TANK: variants seen among roughly 807,000 people sequenced by gnomAD.
The protein encoded by TANK is TRAF family member associated NFKB activator.
Under a neutral mutation model 43.6 loss-of-function variants are expected in TANK, and 15 were observed. The observed-to-expected ratio is 0.34, with a 90% CI of 0.23 to 0.53. The LOEUF is 0.53. Among genes scored for constraint, TANK ranks in the 20% least tolerant of loss-of-function variants. The pLI is 0.94. For synonymous variants in TANK, 162 were observed against 178.2 expected (o/e 0.91, Z 0.73); for missense variants, 417 against 498.6 (o/e 0.84, Z 1.56).
chr2:161,160,691 C>G, intron 1 of TANK: 1 of 490,140 alleles, frequency 2.0e-6, no homozygotes. Context: ...GGAGCGGACT[C>G]CTTGTGGGTT....
chr2:161,233,226 C>T (rs1029553538), intron 7 of TANK, among the ~76,000 whole-genome samples: 12 of 151,812 alleles, frequency 7.9e-5, no homozygotes, highest in Admixed American at 4.6e-4. Flanking sequence ...TCTACAAATA[C>T]GTATAGTTAT....
chr2:161,214,037 T>A (rs1023707265), intron 4 of TANK, among the ~76,000 whole-genome samples: 2 of 152,214 alleles, frequency 1.3e-5, no homozygotes, highest in African/African-American at 4.8e-5. Context: ...ATAATATTTT[T>A]AAATCACATT....
At chr2:161,195,658 A>G (rs1202730497) in intron 2 of TANK, among the ~76,000 whole-genome samples, 1 of 152,140 alleles carries the variant, frequency 6.6e-6, no homozygotes, top group Non-Finnish European at 1.5e-5. Context: ...GGGTAGGGAA[A>G]AAGTATGGAG....
At chr2:161,160,553 G>A in intron 1 of TANK, 67 bp downstream of exon 1, 3 of 1,218,940 alleles carry the variant, frequency 2.5e-6, no homozygotes, top group Non-Finnish European at 3.2e-6. Flanking sequence ...GAATTTGTAT[G>A]CGTGAGCGAG....
At chr2:161,137,116 G>T in intron 1 of TANK, 1 of 985,414 alleles carries the variant, frequency 1.0e-6, no homozygotes, top group African/African-American at 1.7e-5. Context: ...AAGGGGCCTG[G>T]ATGTCTTAAA....
chr2:161,208,365 G>C (rs1686738453), intron 4 of TANK, among the ~76,000 whole-genome samples: 1 of 152,118 alleles, frequency 6.6e-6, no homozygotes, highest in South Asian at 2.1e-4. Context: ...ACAGAAAGAG[G>C]TAAAGACAAA....
At chr2:161,195,974 A>G (rs1389974833) in intron 2 of TANK, among the ~76,000 whole-genome samples, 2 of 152,270 alleles carry the variant, frequency 1.3e-5, no homozygotes, top group African/African-American at 4.8e-5. Context: ...AATCCCAGCT[A>G]TTCAGGAGCC....
chr2:161,231,535 T>G lies in TANK; in HGVS notation c.1085T>G (p.Ile362Ser). ...TCACTCGATTCCCCGGGAAAAGCAA[T>G]CCGAGGACCACAGCAGGTAACTGTT... ...FPSLDSPGKA[I>S]RGPQQPIWKP... is the part of the protein sequence containing the mutation. Residue 362 changes from isoleucine (I) to serine (S), a missense_variant, in exon 7 of 8, where the codon ATC becomes AGC. Coordinates refer to ENST00000392749, the MANE Select transcript of TANK (RefSeq NM_001199135.3). 1 of 1,612,170 alleles carries G rather than the reference T, an allele frequency of 6.2e-7. No homozygotes were observed. Among genetic ancestry groups the G allele is most frequent in the South Asian group, 1.1e-5 (1 of 91,076 alleles).
At chr2:161,183,685 G>T (rs1685531408) in intron 2 of TANK, among the ~76,000 whole-genome samples, 1 of 151,878 alleles carries the variant, frequency 6.6e-6, no homozygotes, top group South Asian at 2.1e-4. Flanking sequence ...ACTCAAGAAT[G>T]GATGAAGAAA....
chr2:161,165,617 C>T (rs1684643753), intron 1 of TANK, among the ~76,000 whole-genome samples: 1 of 152,218 alleles, frequency 6.6e-6, no homozygotes, highest in Non-Finnish European at 1.5e-5. Flanking sequence ...CCTTCCCATA[C>T]AGTCCTACTC....
At chr2:161,200,462 A>G in intron 2 of TANK, 1 of 953,546 alleles carries the variant, frequency 1.0e-6, no homozygotes, top group Non-Finnish European at 1.2e-6. Flanking sequence ...AAATAAACCA[A>G]GTTCTACTGG....
intron 2 of TANK, among the ~76,000 whole-genome samples, chr2:161,198,571 C>A (rs577428813): frequency 6.6e-6 from 1 of 152,358 alleles, no homozygotes; most frequent in East Asian, 1.9e-4. Flanking sequence ...TATTTAGATA[C>A]CTTGCTCATT....
At chr2:161,162,677 G>A (rs985353808) in intron 1 of TANK, 4 of 151,966 alleles carry the variant, frequency 2.6e-5, no homozygotes, top group Non-Finnish European at 5.9e-5. Context: ...ATATTTATCA[G>A]GGAAGTTTCC....
At position 161,186,703 on chromosome 2, in the gene TANK, A is replaced by T. The variant is rs192398969; in HGVS notation, c.99+6942A>T. On this transcript the variant is annotated intron_variant, in intron 2 of 7. Transcript: ENST00000392749. The stretch of plus-strand genomic sequence containing the variant: ...GACAAATGGGATTACATCAAGTAAA[A>T]TTACACAACAAAAGAAACAATCAAC... Among the ~76,000 whole-genome samples the T allele has an allele frequency of 7.0e-4, 106 of 152,328 alleles. 1 individual carries two copies. The highest frequency in any genetic ancestry group is 1.2e-3 in the Non-Finnish European group (85 of 68,028).
At chr2:161,141,299 A>C (rs1683739957) in intron 1 of TANK, among the ~76,000 whole-genome samples, 1 of 152,144 alleles carries the variant, frequency 6.6e-6, no homozygotes, top group Non-Finnish European at 1.5e-5. Context: ...GTTTCATATA[A>C]GTGAAACCAG....
At chr2:161,196,452 C>T (rs1044497924) in intron 2 of TANK, among the ~76,000 whole-genome samples, 11 of 152,120 alleles carry the variant, frequency 7.2e-5, no homozygotes, top group Admixed American at 2.6e-4. Context: ...GGTACTAATA[C>T]GATGTGGCAT....
In TANK at chr2:161,231,641, A is replaced by T; in HGVS notation, c.1101+90A>T. On this transcript the variant is annotated intron_variant, in intron 7 of 7. Transcript: ENST00000392749. The stretch of plus-strand genomic sequence containing the variant: ...GATATGCATCTCTTTTACGTTATCA[A>T]ACATCCTTTTTAAACTACTGACAGC... The T allele has an allele frequency of 4.1e-6, 5 of 1,214,248 alleles. No homozygotes were observed. The Admixed American group carries it at 1.0e-4, about 25-fold the overall frequency. 75.2% of individuals were successfully genotyped at this position (1,214,248 alleles called of 1,614,324 possible).
At chr2:161,175,401 G>A (rs1685132996) in intron 1 of TANK, among the ~76,000 whole-genome samples, 1 of 152,128 alleles carries the variant, frequency 6.6e-6, no homozygotes, top group South Asian at 2.1e-4. Context: ...AAAGAGGAAT[G>A]TTAATATGTA....
At chr2:161,171,207 G>T (rs1298546576) in intron 1 of TANK, among the ~76,000 whole-genome samples, 2 of 152,150 alleles carry the variant, frequency 1.3e-5, no homozygotes, top group African/African-American at 4.8e-5. Context: ...GATCTGTTGG[G>T]CTGCCCAGGG....
Sources: gnomAD v4.1 joint callset for allele counts (sites outside exome capture counted in the v4.1 genomes callset) on GRCh38, gnomAD v4.1.1 for gene constraint, MANE v1.5 for transcripts, NCBI Gene and HGNC (gene_info 2026-07-23, HGNC 2026-07-21) for gene names.